The following USH2A variants were observed in gnomAD, a reference collection of about 807,000 sequenced individuals.
USH2A encodes Usher syndrome 2A (autosomal recessive, mild).
A neutral mutation model predicts 538.9 loss-of-function variants in USH2A; 443 were observed. The ratio of observed to expected loss-of-function variants is 0.82; its 90% CI spans 0.76 to 0.89. USH2A has a LOEUF of 0.89. USH2A is among the 40% of genes least tolerant of loss of function. The pLI, the probability that USH2A is intolerant of heterozygous loss-of-function variation, is 0.00. For missense variants in USH2A, 6,633 were observed against 6,324.8 expected (o/e 1.05, Z -1.65); for synonymous variants, 2,413 against 2,273.5 (o/e 1.06, Z -1.75).
intron 45 of USH2A, among the ~76,000 whole-genome samples, chr1:215,845,263 G>C (rs768620940): frequency 4.6e-5 from 7 of 152,074 alleles, no homozygotes; most frequent in Non-Finnish European, 1.0e-4. Context: ...CACTTGCTTG[G>C]GAGGTAATGA....
chr1:215,916,727 G>T (rs192943881), intron 38 of USH2A, among the ~76,000 whole-genome samples: 1 of 151,982 alleles, frequency 6.6e-6, no homozygotes, highest in Non-Finnish European at 1.5e-5. Flanking sequence ...ATATAGAAAG[G>T]GGGGCAGAGG....
At position 216,389,990 on chromosome 1, in the gene USH2A, TA is replaced by T. The variant is rs577554919; in HGVS notation, c.652-24906del. On this transcript the variant is annotated intron_variant, in intron 3 of 71. Coordinates refer to ENST00000307340, the MANE Select transcript of USH2A (RefSeq NM_206933.4). ...ACTAGCTGTCAGTAAAAGAGAAAAA[TA>T]AAAAAAACTGACTGTCAGTTTTAAA... 3.6e-5 allele frequency among the ~76,000 whole-genome samples: 5 copies of T among 137,612 alleles called. No individual in the cohort carries two copies. In the South Asian group the frequency reaches 1.0e-3, roughly 28 times the overall value. The allele number at this position is 137,612 out of a possible 152,430, so 90.3% of individuals were successfully genotyped here. A position where few individuals can be genotyped will look rare whatever the true frequency, so the allele number is the denominator to read the frequency against.
At position 216,423,419 on chromosome 1, in the gene USH2A, C is replaced by T. The variant is rs988418101; in HGVS notation, c.-410G>A. ...ACACTTGGTTACCTGAAGCTCAGAG[C>T]GTGGTCTGCTTGGTGGCCCTCTTGG... On this transcript the variant is annotated 5_prime_UTR_variant, in exon 1 of 72. Coordinates refer to ENST00000307340, the MANE Select transcript of USH2A (RefSeq NM_206933.4). 31 of 152,172 alleles carry T rather than the reference C, an allele frequency of 2.0e-4. No individual in the cohort carries two copies. Among genetic ancestry groups the T allele is most frequent in the African/African-American group, 7.2e-4 (30 of 41,442 alleles). The allele number at this position is 152,172 out of a possible 1,614,324, so 9.4% of individuals were successfully genotyped here. A position where few individuals can be genotyped will look rare whatever the true frequency, so the allele number is the denominator to read the frequency against.
At chr1:216,218,338 C>T (rs2035385961) in intron 14 of USH2A, among the ~76,000 whole-genome samples, 2 of 152,084 alleles carry the variant, frequency 1.3e-5, no homozygotes, top group South Asian at 4.1e-4. Context: ...ATTATTCAAA[C>T]ATGTAGCCTA....
intron 3 of USH2A, among the ~76,000 whole-genome samples, chr1:216,370,145 G>A (rs1470907551): frequency 2.0e-5 from 3 of 152,010 alleles, no homozygotes; most frequent in Non-Finnish European, 4.4e-5. Flanking sequence ...GATCACTTGA[G>A]GTGAAAAGTT....
intron 38 of USH2A, among the ~76,000 whole-genome samples, chr1:215,929,284 A>G (rs75736429): frequency 0.04 from 6,151 of 152,208 alleles, 136 homozygotes; most frequent in Middle Eastern, 0.068. Context: ...AAATCCCAAG[A>G]TGACCAATGA....
chr1:216,365,023 A>T lies in USH2A; in HGVS notation c.714T>A (p.Asn238Lys). 1 of 1,613,768 alleles carries T rather than the reference A, an allele frequency of 6.2e-7. No individual in the cohort carries two copies. Among genetic ancestry groups the T allele is most frequent in the Non-Finnish European group, 8.5e-7 (1 of 1,179,780 alleles). The change falls in exon 4 of 72, where the codon AAT (asparagine) becomes AAA (lysine). Residue 238 changes from asparagine (N) to lysine (K), a missense_variant. Transcript: ENST00000307340. ...TAATTGAACCACTTAGAGTTCTTGC[A>T]TTGAAAGGTGTATGATCCTTCTCCA... ...NGVEKDHTPFNARTLSGSITD... is the reference protein window; with the variant it reads ...NGVEKDHTPFKARTLSGSITD...
At chr1:215,649,805 T>C (rs1656993283) in intron 65 of USH2A, among the ~76,000 whole-genome samples, 1 of 152,200 alleles carries the variant, frequency 6.6e-6, no homozygotes, top group South Asian at 2.1e-4. Flanking sequence ...GTGAACAAAG[T>C]ATTATAATCT....
intron 47 of USH2A, among the ~76,000 whole-genome samples, chr1:215,823,281 A>G (rs1663064687): frequency 6.6e-6 from 1 of 151,982 alleles, no homozygotes; most frequent in African/African-American, 2.4e-5. Context: ...TTTCTCTTTC[A>G]TATTTGAAGG....
At chr1:215,968,809 C>G (rs569013697) in intron 36 of USH2A, among the ~76,000 whole-genome samples, 1 of 152,022 alleles carries the variant, frequency 6.6e-6, no homozygotes, top group Non-Finnish European at 1.5e-5. Context: ...GTCATAGCAT[C>G]GGGCTCTATT....
chr1:215,923,272 A>C (rs1312701953), intron 38 of USH2A, among the ~76,000 whole-genome samples: 2 of 151,934 alleles, frequency 1.3e-5, no homozygotes, highest in African/African-American at 2.4e-5. Flanking sequence ...AACAAACAAA[A>C]AAACACTCAA....
At chr1:216,226,681 G>T (rs1310255386) in intron 14 of USH2A, among the ~76,000 whole-genome samples, 1 of 151,988 alleles carries the variant, frequency 6.6e-6, no homozygotes, top group African/African-American at 2.4e-5. Context: ...TTTTCTTTTC[G>T]ACTGGTTGCT....
chr1:215,836,495 TATA>T (rs376758624), intron 47 of USH2A, among the ~76,000 whole-genome samples: 8 of 15,264 alleles, frequency 5.2e-4, no homozygotes, highest in African/African-American at 4.8e-4. Flanking sequence ...ATATTATATA[TATA>T]ATATATATTA....
intron 20 of USH2A, among the ~76,000 whole-genome samples, chr1:216,179,994 C>T (rs1374028872): frequency 6.6e-6 from 1 of 152,048 alleles, no homozygotes; most frequent in African/African-American, 2.4e-5. Flanking sequence ...CTCCCACTTT[C>T]CCATCTGCAA....
chr1:215,910,424 T>C (rs1331318048), intron 38 of USH2A, among the ~76,000 whole-genome samples: 2 of 152,008 alleles, frequency 1.3e-5, no homozygotes, highest in Non-Finnish European at 2.9e-5. Flanking sequence ...CCAAAATCTC[T>C]ATGTGCCCCA....
chr1:215,946,395 A>G (rs1394700232), intron 37 of USH2A, among the ~76,000 whole-genome samples: 1 of 152,224 alleles, frequency 6.6e-6, no homozygotes, highest in Non-Finnish European at 1.5e-5. Context: ...CAGGAGAGAC[A>G]GACTTTGGCA....
At position 215,760,404 on chromosome 1, in the gene USH2A, CTTT is replaced by C. The variant is rs536569821; in HGVS notation, c.11048-564_11048-562del. Among the ~76,000 whole-genome samples, 12 of 152,130 alleles carry C rather than the reference CTTT, an allele frequency of 7.9e-5. No homozygotes were observed. In the South Asian group the frequency reaches 2.5e-3, roughly 32 times the overall value. ...CTTTTCTCTCTTCCTTTCTCTTCTT[CTTT>C]TTCTCTCTTCTCTTCTCTTCCAACA... On this transcript the variant is annotated intron_variant, in intron 56 of 71. Coordinates refer to ENST00000307340, the MANE Select transcript of USH2A (RefSeq NM_206933.4).
At chr1:216,069,593 T>A (rs1186163633) in intron 30 of USH2A, among the ~76,000 whole-genome samples, 2 of 152,266 alleles carry the variant, frequency 1.3e-5, no homozygotes, top group Middle Eastern at 3.4e-3. Flanking sequence ...GTATATTTCA[T>A]TATAATCATT....
chr1:216,166,306 G>C (rs1168354427), intron 21 of USH2A, among the ~76,000 whole-genome samples: 1 of 152,096 alleles, frequency 6.6e-6, no homozygotes, highest in African/African-American at 2.4e-5. Flanking sequence ...CTGAGAGAGT[G>C]TGCTATATTC....
Sources: gnomAD v4.1 joint callset for allele counts (sites outside exome capture counted in the v4.1 genomes callset) on GRCh38, gnomAD v4.1.1 for gene constraint, MANE v1.5 for transcripts, NCBI Gene and HGNC (gene_info 2026-07-23, HGNC 2026-07-21) for gene names.